Variants in TBX10 observed in about 807,000 individuals in gnomAD.
TBX10 encodes the protein T-box transcription factor 10.
TBX10 carries 26 observed loss-of-function variants against 32.4 expected under a neutral mutation model. That is an observed-to-expected ratio of 0.80 (90% CI 0.59 to 1.11). The LOEUF is 1.11. Among genes scored for constraint, TBX10 ranks in the 50% most tolerant of loss-of-function variants. The pLI is 0.00. For missense variants in TBX10, 490 were observed against 494.5 expected (o/e 0.99, Z 0.09); for synonymous variants, 195 against 203.1 (o/e 0.96, Z 0.34).
chr11:67,639,532 G>A lies in TBX10; in HGVS notation c.-60C>T, dbSNP rs1195939037. 6.2e-7 allele frequency: 1 copy of A among 1,610,730 alleles called. No homozygotes were observed. On this transcript the variant is annotated 5_prime_UTR_variant, in exon 1 of 8. Transcript: ENST00000335385. ...ACTGCTTGGCTGGGGCTGGGAACCT[G>A]CCTGCTGGAAGGGGTGGTCACCACT...
upstream of TBX10, among the ~76,000 whole-genome samples, chr11:67,640,706 C>A (rs1855393120): frequency 6.6e-6 from 1 of 152,200 alleles, no homozygotes; most frequent in Non-Finnish European, 1.5e-5. Context: ...TGGAGCCCCC[C>A]ATACCTCCTC....
At chr11:67,631,997 CCT>C in intron 7 of TBX10, 103 bp from the exon 8 acceptor site, 1 of 1,470,302 alleles carries the variant, frequency 6.8e-7, no homozygotes, top group Non-Finnish European at 9.3e-7. Context: ...AAGTTACCTA[CCT>C]CTCAGCCTTC....
chr11:67,635,804 G>C (rs1222676931), intron 1 of TBX10, among the ~76,000 whole-genome samples: 1 of 152,046 alleles, frequency 6.6e-6, no homozygotes, highest in Non-Finnish European at 1.5e-5. Context: ...ACCCATCCCT[G>C]ACCTTGACAA....
At chr11:67,631,963 G>GGGATGA in intron 7 of TBX10, 69 bp from the exon 8 acceptor site, 1 of 1,544,722 alleles carries the variant, frequency 6.5e-7, no homozygotes, top group Non-Finnish European at 8.8e-7. Flanking sequence ...GGCCTGCCCT[G>GGGATGA]GTCCCTTCCT....
At chr11:67,634,433 G>C (rs979817307) in intron 3 of TBX10, 73 bp from the exon 4 acceptor site, 31 of 1,564,266 alleles carry the variant, frequency 2.0e-5, no homozygotes, top group Non-Finnish European at 2.7e-5. Flanking sequence ...CGGGGTGAAG[G>C]GGCTGCTGCC....
rs1197694579 is a variant in TBX10 at position 67,632,324 on chromosome 11, C to T, written c.862G>A (p.Glu288Lys). The T allele has an allele frequency of 5.0e-6, 8 of 1,613,404 alleles. No homozygotes were observed. Among genetic ancestry groups the T allele is most frequent in the Non-Finnish European group, 5.9e-6 (7 of 1,180,022 alleles). ...PCVLKGATDR[E>K]KDPNKASAST... ...TGCAGGCCTGGGGCCTTACCTTTCT[C>T]CCTGTCTGTGGCACCCTTCAGCACA... The change falls in exon 7 of 8, where the codon GAG becomes AAG. Residue 288 changes from glutamate to lysine, a missense_variant. Physicochemically the swap from Glu to Lys is moderately conservative, Grantham distance 56. Coordinates refer to ENST00000335385, the MANE Select transcript of TBX10 (RefSeq NM_005995.5).
intron 4 of TBX10, among the ~76,000 whole-genome samples, chr11:67,633,570 G>A (rs2134098953): frequency 6.6e-6 from 1 of 152,296 alleles, no homozygotes; most frequent in Non-Finnish European, 1.5e-5. Flanking sequence ...TTCCCCTCCT[G>A]GCTCCACTCC....
In TBX10 at chr11:67,634,121, T is replaced by C. The variant is rs535076569; in HGVS notation, c.549+68A>G. ...GCAGAGGTGCTGGGCACCAAGGCCA[T>C]TGGACACCAAAGTCCCTACCAGCCC... On this transcript the variant is annotated intron_variant, in intron 4 of 7. Coordinates refer to ENST00000335385, the MANE Select transcript of TBX10 (RefSeq NM_005995.5). 961 of 1,592,008 alleles carry C rather than the reference T, an allele frequency of 6.0e-4. 1 individual carries two copies. The highest frequency in any genetic ancestry group is 7.8e-4 in the Non-Finnish European group (915 of 1,172,214).
chr11:67,634,933 G>A lies in TBX10; in HGVS notation c.276-16C>T, dbSNP rs1855302089. On this transcript the variant is annotated splice_polypyrimidine_tract_variant and intron_variant, in intron 2 of 7. Transcript: ENST00000335385. Reference sequence around the variant, plus strand: ...GAACATCCTCCTGCGGGAGGGAGGTGCTCAGCAGCCGGATGCGGCTCCAAC... The same window carrying A: ...GAACATCCTCCTGCGGGAGGGAGGTACTCAGCAGCCGGATGCGGCTCCAAC... 5 of 1,613,234 alleles carry A rather than the reference G, an allele frequency of 3.1e-6. No individual in the cohort carries two copies. Among genetic ancestry groups the A allele is most frequent in the Non-Finnish European group, 3.4e-6 (4 of 1,179,994 alleles).
chr11:67,640,102 C>T (rs539281929), upstream of TBX10, among the ~76,000 whole-genome samples: 2 of 151,972 alleles, frequency 1.3e-5, no homozygotes, highest in Non-Finnish European at 2.9e-5. Context: ...TGGCCCCAGC[C>T]GGCCGGCAGA....
At chr11:67,633,205 G>T in intron 4 of TBX10, 102 bp from the exon 5 acceptor site, 1 of 1,432,170 alleles carries the variant, frequency 7.0e-7, no homozygotes, top group Non-Finnish European at 9.6e-7. Flanking sequence ...CCCTGGGCCT[G>T]CCACCCTGTT....
chr11:67,631,946 C>T (rs1565232989), intron 7 of TBX10, 52 bp from the exon 8 acceptor site: 2 of 1,550,938 alleles, frequency 1.3e-6, no homozygotes, highest in Non-Finnish European at 1.7e-6. Context: ...CCTCATCCCT[C>T]ATCCCAGGCC....
intron 7 of TBX10, 55 bp downstream of exon 7, chr11:67,632,263 T>C (rs938304193): frequency 3.5e-5 from 56 of 1,601,090 alleles, no homozygotes; most frequent in Non-Finnish European, 4.5e-5. Flanking sequence ...TCCCTTTGCC[T>C]TCCGCCCACT....
At chr11:67,632,812 C>T in intron 5 of TBX10, 136 bp downstream of exon 5, 1 of 1,553,252 alleles carries the variant, frequency 6.4e-7, no homozygotes, top group Non-Finnish European at 8.9e-7. Context: ...GCGGGCAGGG[C>T]CTTGACTGAT....
rs536558162 is a variant in TBX10 at position 67,639,523 on chromosome 11, T to TGGGCTGCGGCTGCCACCCAAG, written c.-52_-51insCTTGGGTGGCAGCCGCAGCCC. On this transcript the variant is annotated 5_prime_UTR_variant, in exon 1 of 8. Transcript: ENST00000335385. ...TGGAGAAACACTGCTTGGCTGGGGCTGGGAACCTGCCTGCTGGAAGGGGTG... is the reference window on the plus strand; with the variant it reads ...TGGAGAAACACTGCTTGGCTGGGGCTGGGCTGCGGCTGCCACCCAAGGGGAACCTGCCTGCTGGAAGGGGTG... 9.1e-5 allele frequency: 146 copies of TGGGCTGCGGCTGCCACCCAAG among 1,611,412 alleles called. No homozygotes were observed. In the African/African-American group the frequency reaches 1.9e-3, roughly 21 times the overall value.
chr11:67,637,109 C>G (rs1855342520), intron 1 of TBX10, among the ~76,000 whole-genome samples: 1 of 152,196 alleles, frequency 6.6e-6, no homozygotes, highest in Non-Finnish European at 1.5e-5. Context: ...TATGATTCTA[C>G]TCATAGGCCG....
rs1565232681 is a variant in TBX10 at position 67,631,673 on chromosome 11, G to C, written c.1090C>G (p.Leu364Val). The C allele has an allele frequency of 6.2e-7, 1 of 1,607,472 alleles. No individual in the cohort carries two copies. Among genetic ancestry groups the C allele is most frequent in the Non-Finnish European group, 8.5e-7 (1 of 1,178,130 alleles). The change falls in exon 8 of 8, where the codon CTC becomes GTC. Residue 364 changes from leucine (L) to valine (V), a missense_variant. Transcript: ENST00000335385. ...GACAGGAGCCCCAGCCCAGCTGGGA[G>C]AGGCAGGCCTCCTTGATCCCTATCA... Reference protein sequence around the residue: ...RADRDQGGLPLPAGLGLLSPT... With the variant: ...RADRDQGGLPVPAGLGLLSPT...
In TBX10 at chr11:67,639,576, G is replaced by A; in HGVS notation, c.-104C>T. The A allele has an allele frequency of 6.7e-7, 1 of 1,491,104 alleles. No individual in the cohort carries two copies. 92.4% of individuals were successfully genotyped at this position (1,491,104 alleles called of 1,614,324 possible). A position where few individuals can be genotyped will look rare whatever the true frequency, so the allele number is the denominator to read the frequency against. On this transcript the variant is annotated 5_prime_UTR_variant, in exon 1 of 8. Transcript: ENST00000335385. ...CACCACTCGTCCACTCGGCACCTCA[G>A]CTCAGCCCTCAGGTGCTCACACAAG...
At chr11:67,636,567 G>A (rs890264695) in intron 1 of TBX10, among the ~76,000 whole-genome samples, 1 of 151,424 alleles carries the variant, frequency 6.6e-6, no homozygotes, top group Admixed American at 6.6e-5. Flanking sequence ...GATGGATCTC[G>A]GCTCACTGCA....
Sources: allele counts gnomAD v4.1 joint callset (sites outside exome capture counted in the v4.1 genomes callset), GRCh38; gene constraint gnomAD v4.1.1; transcripts MANE v1.5; gene names NCBI Gene and HGNC (gene_info 2026-07-23, HGNC 2026-07-21).